PRKAR1B: variants seen among roughly 807,000 people sequenced by gnomAD.
The protein encoded by PRKAR1B is protein kinase cAMP-dependent type I regulatory subunit beta.
Under a neutral mutation model 46.5 loss-of-function variants are expected in PRKAR1B, and 22 were observed. The ratio of observed to expected loss-of-function variants is 0.47; its 90% CI spans 0.34 to 0.68. PRKAR1B has a LOEUF of 0.68. Among genes scored for constraint, PRKAR1B ranks in the 30% least tolerant of loss-of-function variants. The probability of loss-of-function intolerance (pLI) is 0.01; values close to 1 mark genes in which losing one functional copy is unlikely to be tolerated. For missense variants in PRKAR1B, 445 were observed against 535.6 expected (o/e 0.83, Z 1.67); for synonymous variants, 259 against 217.7 (o/e 1.19, Z -1.67).
At chr7:634,183 C>T (rs555335978) in intron 4 of PRKAR1B, among the ~76,000 whole-genome samples, 203 of 151,924 alleles carry the variant, frequency 1.3e-3, no homozygotes, top group African/African-American at 4.7e-3. Context: ...CCACCATGCC[C>T]GGCTAATTTT....
chr7:550,315 G>C lies in PRKAR1B; in HGVS notation c.*115C>G. ...GGGAAGGGGCAGTCCTCACGCTGCC[G>C]GGACCCAGCCCCACCCGGCCCACAC... On this transcript the variant is annotated 3_prime_UTR_variant, in exon 11 of 11. Coordinates refer to ENST00000537384, the MANE Select transcript of PRKAR1B (RefSeq NM_001164760.2). 1 of 899,280 alleles carries C rather than the reference G, an allele frequency of 1.1e-6. No individual in the cohort carries two copies. The highest frequency in any genetic ancestry group is 1.7e-6 in the Non-Finnish European group (1 of 581,008). The allele number at this position is 899,280 out of a possible 1,614,324, so 55.7% of individuals were successfully genotyped here.
At chr7:665,411 A>G (rs1441800328) in intron 4 of PRKAR1B, among the ~76,000 whole-genome samples, 3 of 152,130 alleles carry the variant, frequency 2.0e-5, no homozygotes, top group Non-Finnish European at 2.9e-5. Context: ...GGAGCTCTAG[A>G]AAGACAACAT....
At chr7:623,983 T>C (rs1324565696) in intron 4 of PRKAR1B, among the ~76,000 whole-genome samples, 1 of 152,186 alleles carries the variant, frequency 6.6e-6, no homozygotes, top group Non-Finnish European at 1.5e-5. Context: ...CCAACCAGAA[T>C]TGCTAGTCCA....
chr7:614,547 G>A (rs975398165), intron 4 of PRKAR1B, among the ~76,000 whole-genome samples: 20 of 152,162 alleles, frequency 1.3e-4, no homozygotes, highest in Admixed American at 3.3e-4. Flanking sequence ...TGAAAGGATC[G>A]CTGGGCCCAG....
At chr7:579,664 G>A (rs939065895) in intron 8 of PRKAR1B, among the ~76,000 whole-genome samples, 31 of 152,212 alleles carry the variant, frequency 2.0e-4, no homozygotes, top group African/African-American at 7.5e-4. Flanking sequence ...CTGGCTTAAT[G>A]TAAATACCCA....
intron 6 of PRKAR1B, 80 bp downstream of exon 6, chr7:606,113 T>A: frequency 7.1e-7 from 1 of 1,408,930 alleles, no homozygotes. Context: ...GTTGGGGGCC[T>A]GGTGCTGCCT....
chr7:715,939 T>A (rs1483611205), intron 1 of PRKAR1B, among the ~76,000 whole-genome samples: 79 of 152,018 alleles, frequency 5.2e-4, no homozygotes, highest in Middle Eastern at 3.4e-3. Flanking sequence ...ATGGTCTCGG[T>A]CTCCTGACCT....
intron 9 of PRKAR1B, among the ~76,000 whole-genome samples, chr7:557,497 C>A (rs186044029): frequency 1.3e-5 from 2 of 152,250 alleles, no homozygotes; most frequent in African/African-American, 2.4e-5. Flanking sequence ...TGCCTGCGCA[C>A]CCATGGACAT....
intron 9 of PRKAR1B, among the ~76,000 whole-genome samples, chr7:571,311 G>A (rs766089547): frequency 2.0e-5 from 3 of 152,104 alleles, no homozygotes; most frequent in African/African-American, 4.8e-5. Flanking sequence ...ACCCGATGAC[G>A]GGGTGTGCAC....
chr7:692,455 G>A (rs568818388), intron 2 of PRKAR1B, among the ~76,000 whole-genome samples: 1 of 151,766 alleles, frequency 6.6e-6, no homozygotes, highest in East Asian at 1.9e-4. Flanking sequence ...AAGGAGAAGA[G>A]AAGAGGAGAA....
At chr7:685,307 CG>C (rs1444145766) in intron 2 of PRKAR1B, among the ~76,000 whole-genome samples, 2 of 8,358 alleles carry the variant, frequency 2.4e-4, no homozygotes, top group East Asian at 6.8e-3. Flanking sequence ...TATATATATA[CG>C]TATATATACG....
At chr7:721,318 C>T (rs1289058854) in intron 1 of PRKAR1B, among the ~76,000 whole-genome samples, 3 of 152,188 alleles carry the variant, frequency 2.0e-5, no homozygotes, top group African/African-American at 7.2e-5. Context: ...TCCATTGTCT[C>T]AACTTTCTGG....
At chr7:559,313 G>C (rs749042127) in intron 9 of PRKAR1B, among the ~76,000 whole-genome samples, 1 of 152,164 alleles carries the variant, frequency 6.6e-6, no homozygotes, top group Admixed American at 6.5e-5. Context: ...GGAGCCAGCC[G>C]GAGAAGACGT....
intron 4 of PRKAR1B, among the ~76,000 whole-genome samples, chr7:636,439 C>CGCCCACACGTCCTCCACCGGACTGT (rs1784108292): frequency 5.0e-5 from 4 of 79,980 alleles, no homozygotes; most frequent in Non-Finnish European, 1.2e-4. Flanking sequence ...CCACCGGCCG[C>CGCCCACACGTCCTCCACCGGACTGT]GCCCTCACGT....
At chr7:670,716 A>G (rs1583393766) in intron 4 of PRKAR1B, among the ~76,000 whole-genome samples, 2 of 143,056 alleles carry the variant, frequency 1.4e-5, no homozygotes, top group East Asian at 2.1e-4. Flanking sequence ...CACAGCATCC[A>G]GCAGAGGGAC....
intron 2 of PRKAR1B, among the ~76,000 whole-genome samples, chr7:688,403 CAA>C (rs1255374596): frequency 8.3e-5 from 11 of 132,898 alleles, no homozygotes; most frequent in East Asian, 4.3e-4. Flanking sequence ...GACTCCATCT[CAA>C]AAAAAAAAAA....
rs1476599168 is a variant in PRKAR1B at position 588,687 on chromosome 7, G to A, written c.709-4119C>T. Among the ~76,000 whole-genome samples the A allele has an allele frequency of 8.2e-3, 429 of 52,464 alleles. 1 individual carries two copies. The highest frequency in any genetic ancestry group is 0.017 in the South Asian group (21 of 1,224). The allele number at this position is 52,464 out of a possible 152,430, so 34.4% of individuals were successfully genotyped here. ...AGTGACAGTGGTGATGACGATGATG[G>A]TGATGGTGGTGATGGTGATGGTGAT... On this transcript the variant is annotated intron_variant, in intron 7 of 10. Coordinates refer to ENST00000537384, the MANE Select transcript of PRKAR1B (RefSeq NM_001164760.2).
chr7:693,683 C>T (rs1168671368), intron 2 of PRKAR1B, among the ~76,000 whole-genome samples: 1 of 152,166 alleles, frequency 6.6e-6, no homozygotes, highest in Non-Finnish European at 1.5e-5. Context: ...ATCGTGGCTC[C>T]TGTAAGCAGT....
chr7:550,165 C>T lies in PRKAR1B; in HGVS notation c.*265G>A. On this transcript the variant is annotated 3_prime_UTR_variant, in exon 11 of 11. Coordinates refer to ENST00000537384, the MANE Select transcript of PRKAR1B (RefSeq NM_001164760.2). ...GCCCCCCAGGAGAAGCCCACAGAGG[C>T]AGCCGGGGAGGCGTGTGGGGAGGAA... 2.2e-6 allele frequency: 1 copy of T among 456,382 alleles called. No individual in the cohort carries two copies. 28.3% of individuals were successfully genotyped at this position (456,382 alleles called of 1,614,324 possible). A position where few individuals can be genotyped will look rare whatever the true frequency, so the allele number is the denominator to read the frequency against.
Sources: allele counts gnomAD v4.1 joint callset (sites outside exome capture counted in the v4.1 genomes callset), GRCh38; gene constraint gnomAD v4.1.1; transcripts MANE v1.5; gene names NCBI Gene and HGNC (gene_info 2026-07-23, HGNC 2026-07-21).